The following TMTC1 variants were observed in gnomAD, a reference collection of about 807,000 sequenced individuals.
TMTC1 encodes transmembrane O-mannosyltransferase targeting cadherins 1.
In TMTC1, 73 loss-of-function variants were observed where a neutral mutation model predicts 104.8. The observed-to-expected ratio is 0.70, with a 90% confidence interval of 0.58 to 0.85. The LOEUF is 0.85. TMTC1 is among the 40% of genes least tolerant of loss of function. The pLI is 0.00. For synonymous variants in TMTC1, 434 were observed against 428.7 expected (o/e 1.01, Z -0.15); for missense variants, 1,035 against 1,096.1 (o/e 0.94, Z 0.79).
At chr12:29,626,447 TC>T (rs1463297118) in intron 6 of TMTC1, among the ~76,000 whole-genome samples, 21 of 152,170 alleles carry the variant, frequency 1.4e-4, no homozygotes, top group Middle Eastern at 3.2e-3. Context: ...TGCCAGAGTT[TC>T]TTAAGGATGG....
At chr12:29,571,992 T>A in intron 9 of TMTC1, 113 bp downstream of exon 9, 1 of 796,306 alleles carries the variant, frequency 1.3e-6, no homozygotes, top group Non-Finnish European at 2.1e-6. Context: ...CAAGGATCAG[T>A]TTACTGTCAA....
intron 5 of TMTC1, among the ~76,000 whole-genome samples, chr12:29,674,500 C>A: frequency 6.6e-6 from 1 of 152,198 alleles, no homozygotes; most frequent in East Asian, 1.9e-4. Context: ...GTTCTGTCAG[C>A]TCCCTCCTTC....
intron 5 of TMTC1, among the ~76,000 whole-genome samples, chr12:29,654,518 G>A (rs1203703448): frequency 1.3e-5 from 2 of 152,168 alleles, no homozygotes; most frequent in Non-Finnish European, 2.9e-5. Flanking sequence ...GTAAAATGGT[G>A]CAGTTGCTTT....
chr12:29,516,246 T>C, intron 15 of TMTC1, 103 bp downstream of exon 15: 2 of 1,412,762 alleles, frequency 1.4e-6, no homozygotes, highest in East Asian at 4.7e-5. Flanking sequence ...GGATAAGATT[T>C]AAGATTTCCC....
At chr12:29,564,456 A>C (rs1945455738) in intron 9 of TMTC1, among the ~76,000 whole-genome samples, 1 of 152,136 alleles carries the variant, frequency 6.6e-6, no homozygotes, top group African/African-American at 2.4e-5. Flanking sequence ...GGAGCAGAAA[A>C]AGCAAGAGAG....
At chr12:29,518,316 T>C (rs182884577) in intron 13 of TMTC1, among the ~76,000 whole-genome samples, 156 bp downstream of exon 13, 1 of 152,240 alleles carries the variant, frequency 6.6e-6, no homozygotes, top group Non-Finnish European at 1.5e-5. Context: ...CCCATTTATA[T>C]TGTGGTTGCT....
chr12:29,661,361 C>A, intron 5 of TMTC1: 1 of 979,784 alleles, frequency 1.0e-6, no homozygotes, highest in South Asian at 4.7e-5. Context: ...CCACAAAATA[C>A]CTCACAGATC....
At chr12:29,612,039 CAAGGG>C (rs1374479447) in intron 6 of TMTC1, among the ~76,000 whole-genome samples, 1 of 152,102 alleles carries the variant, frequency 6.6e-6, no homozygotes, top group Non-Finnish European at 1.5e-5. Context: ...CAGTAAGAAG[CAAGGG>C]CTTCAAACTG....
At chr12:29,550,634 G>A (rs952117965) in intron 10 of TMTC1, among the ~76,000 whole-genome samples, 1 of 152,134 alleles carries the variant, frequency 6.6e-6, no homozygotes, top group Non-Finnish European at 1.5e-5. Flanking sequence ...TAATTAAAAA[G>A]CCAGTGGCCA....
chr12:29,755,685 T>C (rs1467276552), intron 4 of TMTC1, 24 bp downstream of exon 4: 3 of 1,603,100 alleles, frequency 1.9e-6, no homozygotes. Context: ...TGCCATTTGA[T>C]ATCAAAACTG....
Position 29,629,358 on chromosome 12 carries a change from T to C in TMTC1, c.1128+3789A>G, listed in dbSNP as rs1938177815. ...AAAAAAGCTACCTATGACCTGGAAG[T>C]GCCTCCACCCTTCAAGTTGTTCTGC... On this transcript the variant is annotated intron_variant, in intron 6 of 17. Transcript: ENST00000539277. Among the ~76,000 whole-genome samples, 5 of 151,602 alleles carry C rather than the reference T, an allele frequency of 3.3e-5. No homozygotes were observed. In the South Asian group the frequency reaches 1.0e-3, roughly 32 times the overall value.
chr12:29,538,370 C>T (rs73263831), intron 10 of TMTC1, among the ~76,000 whole-genome samples: 2 of 152,012 alleles, frequency 1.3e-5, no homozygotes, highest in Non-Finnish European at 2.9e-5. Context: ...TGGCTATTAT[C>T]TTATGGTCAG....
At chr12:29,631,669 T>C (rs1938305252) in intron 6 of TMTC1, among the ~76,000 whole-genome samples, 1 of 152,176 alleles carries the variant, frequency 6.6e-6, no homozygotes, top group African/African-American at 2.4e-5. Flanking sequence ...TTAAACTGGG[T>C]GTTGCATGCC....
At chr12:29,698,436 T>C (rs189624387) in intron 5 of TMTC1, among the ~76,000 whole-genome samples, 1 of 152,298 alleles carries the variant, frequency 6.6e-6, no homozygotes, top group Admixed American at 6.5e-5. Context: ...TGTCAGTACA[T>C]TCCAGGAGGA....
At chr12:29,724,242 T>C (rs1942318758) in intron 5 of TMTC1, among the ~76,000 whole-genome samples, 2 of 152,232 alleles carry the variant, frequency 1.3e-5, no homozygotes, top group South Asian at 2.1e-4. Context: ...TGTTAAAGTC[T>C]GATATATCAG....
chr12:29,578,533 G>A (rs965140119), intron 8 of TMTC1, among the ~76,000 whole-genome samples: 3 of 151,968 alleles, frequency 2.0e-5, no homozygotes, highest in South Asian at 2.1e-4. Context: ...TTACATGGCC[G>A]AACGCGAAAC....
intron 17 of TMTC1, among the ~76,000 whole-genome samples, chr12:29,507,568 A>G (rs998032944): frequency 1.3e-5 from 2 of 152,236 alleles, no homozygotes; most frequent in African/African-American, 2.4e-5. Flanking sequence ...GCAGGTTTGC[A>G]GCAGTATGCA....
At chr12:29,622,122 A>G (rs982819348) in intron 6 of TMTC1, among the ~76,000 whole-genome samples, 5 of 152,188 alleles carry the variant, frequency 3.3e-5, no homozygotes, top group Admixed American at 3.3e-4. Context: ...CCCAATGTTC[A>G]TTCTCAAAAG....
chr12:29,701,107 A>G (rs367825133), intron 5 of TMTC1, among the ~76,000 whole-genome samples: 1 of 146,460 alleles, frequency 6.8e-6, no homozygotes, highest in South Asian at 2.1e-4. Flanking sequence ...TGCCAGCTGT[A>G]TCTTAGGACT....
Sources: gnomAD v4.1 joint callset for allele counts (sites outside exome capture counted in the v4.1 genomes callset) on GRCh38, gnomAD v4.1.1 for gene constraint, MANE v1.5 for transcripts, NCBI Gene and HGNC (gene_info 2026-07-23, HGNC 2026-07-21) for gene names.